PRKAR2B: variants seen among roughly 807,000 people sequenced by gnomAD.
PRKAR2B encodes the protein cAMP-dependent protein kinase type II-beta regulatory subunit.
In PRKAR2B, 14 loss-of-function variants were observed where a neutral mutation model predicts 49.9. That is an observed-to-expected ratio of 0.28 (90% CI 0.19 to 0.44). PRKAR2B has a LOEUF of 0.44. PRKAR2B is among the 20% of genes least tolerant of loss of function. The pLI is 1.00. For synonymous variants in PRKAR2B, 196 were observed against 197.7 expected (o/e 0.99, Z 0.07); for missense variants, 393 against 537.9 (o/e 0.73, Z 2.67).
Position 107,108,851 on chromosome 7 carries a change from T to C in PRKAR2B, c.344-13101T>C, listed in dbSNP as rs184540719. On this transcript the variant is annotated intron_variant, in intron 2 of 10. Coordinates refer to ENST00000265717, the MANE Select transcript of PRKAR2B (RefSeq NM_002736.3). ...AGGCTGATACAAGTGAACCCCAGAA[T>C]TGGGGCTCACCCTGGGAGAGTTCTT... Among the ~76,000 whole-genome samples the C allele has an allele frequency of 9.2e-5, 14 of 152,288 alleles. No individual in the cohort carries two copies. The East Asian group carries it at 2.5e-3, about 27-fold the overall frequency.
chr7:107,080,195 G>T (rs531747427), intron 2 of PRKAR2B, among the ~76,000 whole-genome samples: 1 of 152,194 alleles, frequency 6.6e-6, no homozygotes, highest in African/African-American at 2.4e-5. Context: ...GGAGCACCAT[G>T]GAGTGGTCCA....
intron 2 of PRKAR2B, among the ~76,000 whole-genome samples, chr7:107,079,863 T>G (rs1417009286): frequency 6.6e-6 from 1 of 152,052 alleles, no homozygotes; most frequent in Non-Finnish European, 1.5e-5. Context: ...AGTAAAGAAA[T>G]GAGAATGCAA....
At chr7:107,111,490 C>T (rs1795171125) in intron 2 of PRKAR2B, among the ~76,000 whole-genome samples, 2 of 152,090 alleles carry the variant, frequency 1.3e-5, no homozygotes, top group African/African-American at 2.4e-5. Flanking sequence ...AGTGCAGTCC[C>T]AGTGGTGGTG....
At position 107,088,932 on chromosome 7, in the gene PRKAR2B, G is replaced by T. The variant is rs1794670992; in HGVS notation, c.343+18616G>T. Among the ~76,000 whole-genome samples the T allele has an allele frequency of 2.0e-5, 3 of 152,184 alleles. 1 individual carries two copies. The South Asian group carries it at 6.2e-4, about 32-fold the overall frequency. On this transcript the variant is annotated intron_variant, in intron 2 of 10. Transcript: ENST00000265717. ...GGTTTTAATAATCATATTTTGGGAG[G>T]CCGAGGTGGGTGGATCACCTAAGGT...
chr7:107,140,331 T>C (rs1180486332), intron 4 of PRKAR2B, among the ~76,000 whole-genome samples: 2 of 152,190 alleles, frequency 1.3e-5, no homozygotes, highest in African/African-American at 4.8e-5. Context: ...GTCATTTTTG[T>C]TTTACTTTGT....
intron 2 of PRKAR2B, chr7:107,077,692 A>G (rs1386921666): frequency 6.6e-6 from 1 of 152,202 alleles, no homozygotes; most frequent in Non-Finnish European, 1.5e-5. Flanking sequence ...CAAAATGTTA[A>G]CATCTGCCTT....
At chr7:107,143,977 T>C (rs1434210992) in intron 5 of PRKAR2B, among the ~76,000 whole-genome samples, 1 of 152,150 alleles carries the variant, frequency 6.6e-6, no homozygotes, top group Non-Finnish European at 1.5e-5. Flanking sequence ...AAAATGATTA[T>C]CCATGGGACA....
intron 2 of PRKAR2B, among the ~76,000 whole-genome samples, chr7:107,110,435 C>T (rs1355288389): frequency 6.6e-6 from 1 of 151,966 alleles, no homozygotes; most frequent in Non-Finnish European, 1.5e-5. Context: ...ACTGGGATGG[C>T]TAAGGGAATG....
At chr7:107,150,884 C>A (rs1479441841) in intron 6 of PRKAR2B, 38 bp from the exon 7 acceptor site, 1 of 1,031,616 alleles carries the variant, frequency 9.7e-7, no homozygotes. Flanking sequence ...TATAGCTTTA[C>A]CCCCATAAAA....
intron 1 of PRKAR2B, among the ~76,000 whole-genome samples, chr7:107,065,988 G>T (rs1398388657): frequency 6.6e-6 from 1 of 152,200 alleles, no homozygotes; most frequent in African/African-American, 2.4e-5. Context: ...GGTCTCTTGG[G>T]AGCGTAGGAA....
intron 1 of PRKAR2B, 97 bp from the exon 2 acceptor site, chr7:107,070,184 A>C (rs1794235509): frequency 3.9e-6 from 3 of 767,234 alleles, no homozygotes; most frequent in Admixed American, 5.2e-5. Context: ...CTTTTTCTTT[A>C]GTTAAATTAT....
chr7:107,113,152 A>T (rs1795206220), intron 2 of PRKAR2B, among the ~76,000 whole-genome samples: 1 of 152,232 alleles, frequency 6.6e-6, no homozygotes, highest in Non-Finnish European at 1.5e-5. Context: ...AGTAAATAAA[A>T]CTACTCAGAA....
chr7:107,115,592 C>G (rs1795257628), intron 2 of PRKAR2B, among the ~76,000 whole-genome samples: 1 of 152,042 alleles, frequency 6.6e-6, no homozygotes, highest in South Asian at 2.1e-4. Flanking sequence ...TATGAACTTC[C>G]CACCTATTTT....
At chr7:107,074,834 G>A (rs1794364219) in intron 2 of PRKAR2B, among the ~76,000 whole-genome samples, 1 of 151,890 alleles carries the variant, frequency 6.6e-6, no homozygotes, top group African/African-American at 2.4e-5. Context: ...ATTTAGTGGT[G>A]GTAGTAGTAG....
intron 2 of PRKAR2B, among the ~76,000 whole-genome samples, chr7:107,105,306 A>AT (rs1795051628): frequency 6.6e-6 from 1 of 152,208 alleles, no homozygotes; most frequent in African/African-American, 2.4e-5. Context: ...GGCCTATTGC[A>AT]TTTTTATGAG....
chr7:107,150,404 A>C (rs2115663640), intron 6 of PRKAR2B, among the ~76,000 whole-genome samples: 1 of 152,238 alleles, frequency 6.6e-6, no homozygotes, highest in East Asian at 1.9e-4. Context: ...ATATATTTAC[A>C]GGGTACATAA....
chr7:107,137,101 A>C (rs1795713529), intron 4 of PRKAR2B, among the ~76,000 whole-genome samples: 1 of 152,164 alleles, frequency 6.6e-6, no homozygotes, highest in African/African-American at 2.4e-5. Context: ...AAAAGGCAAA[A>C]TTATTTGCAA....
In PRKAR2B at chr7:107,160,489, C is replaced by T. The variant is rs1584460075; in HGVS notation, c.*907C>T. 6.6e-6 allele frequency: 1 copy of T among 152,170 alleles called. No individual in the cohort carries two copies. Among genetic ancestry groups the T allele is most frequent in the East Asian group, 1.9e-4 (1 of 5,174 alleles). The allele number at this position is 152,170 out of a possible 1,614,324, so 9.4% of individuals were successfully genotyped here. On this transcript the variant is annotated 3_prime_UTR_variant, in exon 11 of 11. Transcript: ENST00000265717. The stretch of plus-strand genomic sequence containing the variant: ...CCTATCCCAAAAATAATGTGGGATC[C>T]TTATCAGCATGCCCACAGTTTATTT...
chr7:107,121,854 C>A, intron 2 of PRKAR2B, 98 bp from the exon 3 acceptor site: 2 of 589,822 alleles, frequency 3.4e-6, no homozygotes, highest in South Asian at 5.1e-5. Context: ...TTTTTTATAC[C>A]GTGGTACTCT....
Sources: allele counts gnomAD v4.1 joint callset (sites outside exome capture counted in the v4.1 genomes callset), GRCh38; gene constraint gnomAD v4.1.1; transcripts MANE v1.5; gene names NCBI Gene and HGNC (gene_info 2026-07-23, HGNC 2026-07-21).